ROBO2: variants seen among roughly 807,000 people sequenced by gnomAD.
ROBO2 encodes the protein roundabout guidance receptor 2.
In ROBO2, 53 loss-of-function variants were observed where a neutral mutation model predicts 160.8. The observed-to-expected ratio is 0.33, with a 90% CI of 0.26 to 0.41. The LOEUF (loss-of-function observed/expected upper bound fraction) is 0.41, where lower values mean the gene tolerates loss of function less well. ROBO2 is among the 10% of genes least tolerant of loss of function. The probability of loss-of-function intolerance (pLI) is 1.00; values close to 1 mark genes in which losing one functional copy is unlikely to be tolerated. For synonymous variants in ROBO2, 664 were observed against 611.7 expected, an observed-to-expected ratio of 1.09 and a Z score of -1.26; for missense variants, 1,577 against 1,722.4, an observed-to-expected ratio of 0.92 and a Z score of 1.49.
chr3:76,941,524 C>T (rs1577677739), intron 2 of ROBO2, among the ~76,000 whole-genome samples: 1 of 152,160 alleles, frequency 6.6e-6, no homozygotes, highest in East Asian at 1.9e-4. Context: ...CACTAGTCTT[C>T]ATTCTGCCAA....
chr3:76,534,318 G>A (rs2082381022), intron 2 of ROBO2, among the ~76,000 whole-genome samples: 1 of 152,170 alleles, frequency 6.6e-6, no homozygotes, highest in Non-Finnish European at 1.5e-5. Context: ...TCTAAGAACA[G>A]TAATCAGGCA....
rs183040826 is a variant in ROBO2, at chr3:76,077,019, C to T, written c.109+139417C>T. Among the ~76,000 whole-genome samples, 821 of 152,252 alleles carry T rather than the reference C, an allele frequency of 5.4e-3. 11 individuals are homozygous for T. Among genetic ancestry groups the T allele is most frequent in the African/African-American group, 0.019 (794 of 41,542 alleles). ...TTCGGGCTCTACTTCTCTACTGCAA[C>T]ATTTTACTCCCTGGTAGTGCAAAGT... is the stretch of plus-strand genomic sequence containing the variant. On this transcript the variant is annotated intron_variant, in intron 2 of 26. Transcript: ENST00000487694.
intron 2 of ROBO2, among the ~76,000 whole-genome samples, chr3:75,967,748 C>T (rs1241945429): frequency 6.6e-6 from 1 of 151,398 alleles, no homozygotes; most frequent in Admixed American, 6.6e-5. Flanking sequence ...TTTTTAGCCT[C>T]TTTAAATAAA....
At chr3:76,072,032 A>C (rs890145041) in intron 2 of ROBO2, among the ~76,000 whole-genome samples, 1 of 152,230 alleles carries the variant, frequency 6.6e-6, no homozygotes, top group South Asian at 2.1e-4. Flanking sequence ...ATCTTTTCAT[A>C]CTTTGTATGT....
chr3:76,689,923 G>A (rs13324597), intron 2 of ROBO2, among the ~76,000 whole-genome samples: 31,468 of 151,988 alleles, frequency 0.21, 5,656 homozygotes, highest in African/African-American at 0.49. Flanking sequence ...CCTTCCCTCG[G>A]AAATGTATTC....
chr3:77,335,312 C>G (rs1362515488), intron 2 of ROBO2, among the ~76,000 whole-genome samples: 1 of 152,062 alleles, frequency 6.6e-6, no homozygotes, highest in Non-Finnish European at 1.5e-5. Context: ...GAGGCTGAGG[C>G]ACGAGAATCG....
chr3:77,423,134 T>C (rs1489979658), intron 2 of ROBO2, among the ~76,000 whole-genome samples: 2 of 152,140 alleles, frequency 1.3e-5, no homozygotes, highest in Non-Finnish European at 2.9e-5. Context: ...AGCATCAAAA[T>C]ATATTTTATG....
chr3:76,165,690 C>T (rs1405445066), intron 2 of ROBO2, among the ~76,000 whole-genome samples: 2 of 152,078 alleles, frequency 1.3e-5, no homozygotes, highest in African/African-American at 4.8e-5. Context: ...AAGTGGGAGA[C>T]ATGCATCTCT....
chr3:77,033,914 C>T lies in ROBO2; in HGVS notation c.110-64100C>T, dbSNP rs1017372327. Among the ~76,000 whole-genome samples the T allele has an allele frequency of 4.6e-5, 7 of 151,658 alleles. No homozygotes were observed. The East Asian group carries it at 7.7e-4, about 17-fold the overall frequency. Reference sequence around the variant, plus strand: ...CCATTGAAACTTTTTTCTTAAATTACGTTAAAACTGAAAGCAATCCAGTGA... The same window carrying T: ...CCATTGAAACTTTTTTCTTAAATTATGTTAAAACTGAAAGCAATCCAGTGA... On this transcript the variant is annotated intron_variant, in intron 2 of 26. Transcript: ENST00000487694.
chr3:77,235,073 C>A (rs968285704), intron 2 of ROBO2, among the ~76,000 whole-genome samples: 6 of 152,104 alleles, frequency 3.9e-5, no homozygotes, highest in African/African-American at 1.4e-4. Flanking sequence ...ATGAAAGGTG[C>A]TTTCTTTATA....
intron 23 of ROBO2, among the ~76,000 whole-genome samples, chr3:77,628,447 T>TGGG (rs11400323): frequency 1.4e-4 from 20 of 139,566 alleles, no homozygotes; most frequent in South Asian, 9.7e-4. Context: ...TCTCTTTTTG[T>TGGG]GGGGGGGGGG....
intron 1 of ROBO2, among the ~76,000 whole-genome samples, chr3:77,060,844 T>C (rs376045847): frequency 7.9e-5 from 12 of 152,226 alleles, no homozygotes; most frequent in East Asian, 3.8e-4. Context: ...TTATGTTTAC[T>C]ACATATTTTA....
chr3:76,588,377 G>A (rs1364943357), intron 2 of ROBO2, among the ~76,000 whole-genome samples: 1 of 152,146 alleles, frequency 6.6e-6, no homozygotes. Flanking sequence ...AACTTGTTCA[G>A]TGTGATTCAG....
At chr3:77,005,629 G>A (rs2061541799) in intron 2 of ROBO2, among the ~76,000 whole-genome samples, 1 of 150,772 alleles carries the variant, frequency 6.6e-6, no homozygotes, top group Non-Finnish European at 1.5e-5. Context: ...AAATAAGAAT[G>A]ATATAAACGA....
intron 2 of ROBO2, among the ~76,000 whole-genome samples, chr3:75,965,792 A>G (rs183212190): frequency 2.6e-5 from 4 of 151,794 alleles, no homozygotes; most frequent in Admixed American, 2.0e-4. Context: ...CTGGCAAGTT[A>G]CACCAGTTTC....
At chr3:76,421,117 GAATA>G (rs2075978214) in intron 2 of ROBO2, among the ~76,000 whole-genome samples, 1 of 152,080 alleles carries the variant, frequency 6.6e-6, no homozygotes, top group African/African-American at 2.4e-5. Context: ...TCAACTGGGG[GAATA>G]AATATTAAAT....
At chr3:77,043,565 G>A (rs1206505671) in intron 1 of ROBO2, among the ~76,000 whole-genome samples, 1 of 152,134 alleles carries the variant, frequency 6.6e-6, no homozygotes, top group East Asian at 1.9e-4. Flanking sequence ...TATTTGGGAT[G>A]TAAATAATGG....
At chr3:75,972,358 A>G (rs1388474770) in intron 2 of ROBO2, among the ~76,000 whole-genome samples, 3 of 151,648 alleles carry the variant, frequency 2.0e-5, no homozygotes, top group Non-Finnish European at 4.4e-5. Context: ...CTTTTTGGCC[A>G]TTGACCAGGA....
intron 2 of ROBO2, among the ~76,000 whole-genome samples, chr3:77,189,611 T>G: frequency 6.6e-6 from 1 of 151,934 alleles, no homozygotes; most frequent in East Asian, 1.9e-4. Context: ...AAACAAGTGG[T>G]CTTTAGAATA....
Sources: gnomAD v4.1 joint callset for allele counts (sites outside exome capture counted in the v4.1 genomes callset) on GRCh38, gnomAD v4.1.1 for gene constraint, MANE v1.5 for transcripts, NCBI Gene and HGNC (gene_info 2026-07-23, HGNC 2026-07-21) for gene names.